CLYBL: variants seen among roughly 807,000 people sequenced by gnomAD.
CLYBL encodes citramalyl-CoA lyase.
CLYBL carries 31 observed loss-of-function variants against 38.9 expected under a neutral mutation model. The ratio of observed to expected loss-of-function variants is 0.80; its 90% CI spans 0.60 to 1.08. CLYBL has a LOEUF of 1.08. Among genes scored for constraint, CLYBL ranks in the 50% least tolerant of loss-of-function variants. The probability of loss-of-function intolerance (pLI) is 0.00; values close to 1 mark genes in which losing one functional copy is unlikely to be tolerated. For synonymous variants in CLYBL, 171 were observed against 158.6 expected (o/e 1.08, Z -0.59); for missense variants, 434 against 411.6 (o/e 1.05, Z -0.47).
intron 2 of CLYBL, among the ~76,000 whole-genome samples, chr13:99,844,736 C>T (rs944405403): frequency 6.6e-6 from 1 of 152,168 alleles, no homozygotes; most frequent in African/African-American, 2.4e-5. Context: ...ACAGGCTGTT[C>T]TCATCTCGGG....
chr13:99,771,570 T>A (rs2049396399), intron 1 of CLYBL, among the ~76,000 whole-genome samples: 1 of 152,226 alleles, frequency 6.6e-6, no homozygotes, highest in African/African-American at 2.4e-5. Context: ...GGAGCTGATT[T>A]CATCTTCCTT....
downstream of CLYBL, among the ~76,000 whole-genome samples, chr13:99,900,146 C>G (rs934248283): frequency 9.9e-5 from 15 of 152,030 alleles, no homozygotes; most frequent in African/African-American, 3.6e-4. Flanking sequence ...AGGCTGGACT[C>G]GAGCTCCTAA....
At chr13:99,664,374 G>C (rs531788196) in intron 1 of CLYBL, among the ~76,000 whole-genome samples, 13 of 152,328 alleles carry the variant, frequency 8.5e-5, no homozygotes, top group African/African-American at 1.4e-4. Flanking sequence ...TTTCAAGCCA[G>C]TTGCAAAATG....
At chr13:99,667,689 A>T (rs1046853291) in intron 1 of CLYBL, among the ~76,000 whole-genome samples, 7 of 152,170 alleles carry the variant, frequency 4.6e-5, no homozygotes, top group Admixed American at 6.5e-5. Context: ...ATATTATCTA[A>T]AAAACAAATC....
chr13:99,802,852 A>G (rs1040673210), intron 2 of CLYBL, among the ~76,000 whole-genome samples: 6 of 152,200 alleles, frequency 3.9e-5, no homozygotes, highest in Admixed American at 3.3e-4. Flanking sequence ...TACATGTGCT[A>G]TATGTACTTT....
chr13:99,789,623 T>C (rs184994498), intron 2 of CLYBL, among the ~76,000 whole-genome samples: 1 of 152,332 alleles, frequency 6.6e-6, no homozygotes, highest in East Asian at 1.9e-4. Flanking sequence ...TCCAACTATG[T>C]GGTCAATTTT....
chr13:99,865,295 G>A lies in CLYBL; in HGVS notation c.634+384G>A, dbSNP rs967603776. The A allele has an allele frequency of 7.9e-6, 2 of 252,412 alleles. No individual in the cohort carries two copies. The highest frequency in any genetic ancestry group is 2.3e-5 in the African/African-American group (1 of 44,370). 15.6% of individuals were successfully genotyped at this position (252,412 alleles called of 1,614,324 possible). A position where few individuals can be genotyped will look rare whatever the true frequency, so the allele number is the denominator to read the frequency against. ...TCTGTGGGCTGTCTAGATTTCTAAC[G>A]CAAATTTAAGGCAATTTCACATTTG... On this transcript the variant is annotated intron_variant, in intron 5 of 8. Coordinates refer to ENST00000339105, the MANE Select transcript of CLYBL (RefSeq NM_206808.5). The surrounding 1 kb of genome is among the most constrained non-coding windows in gnomAD (Gnocchi z 4.7).
intron 2 of CLYBL, among the ~76,000 whole-genome samples, chr13:99,822,946 G>A (rs2050614931): frequency 6.6e-6 from 1 of 152,152 alleles, no homozygotes; most frequent in Non-Finnish European, 1.5e-5. Context: ...TTCTATGTAA[G>A]ATGAGGATTG....
chr13:99,819,502 A>G (rs2050543945), intron 2 of CLYBL, among the ~76,000 whole-genome samples: 1 of 134,682 alleles, frequency 7.4e-6, no homozygotes, highest in South Asian at 2.5e-4. Context: ...GACAGAACCA[A>G]TAGGATATAT....
At chr13:99,661,476 A>G (rs752552631) in intron 1 of CLYBL, among the ~76,000 whole-genome samples, 1 of 152,038 alleles carries the variant, frequency 6.6e-6, no homozygotes, top group African/African-American at 2.4e-5. Flanking sequence ...CGAGTTATTC[A>G]CTCTAAATGT....
chr13:99,637,973 T>TTTTTTTC (rs1341425477), intron 1 of CLYBL, among the ~76,000 whole-genome samples: 5 of 146,018 alleles, frequency 3.4e-5, no homozygotes, highest in African/African-American at 5.1e-5. Flanking sequence ...TTTTTTTTTT[T>TTTTTTTC]TTTTTTTTGA....
chr13:99,835,391 A>G (rs557125343), intron 2 of CLYBL, among the ~76,000 whole-genome samples: 2 of 152,336 alleles, frequency 1.3e-5, no homozygotes, highest in Admixed American at 6.5e-5. Flanking sequence ...CCTCATCTGC[A>G]TGGCTGATGC....
At chr13:99,694,564 G>A (rs80101787) in intron 1 of CLYBL, among the ~76,000 whole-genome samples, 5,152 of 152,142 alleles carry the variant, frequency 0.034, 133 homozygotes, top group Non-Finnish European at 0.049. Flanking sequence ...TCTCCATTCC[G>A]GCTCACACAT....
chr13:99,813,487 A>G (rs960809878), intron 2 of CLYBL, among the ~76,000 whole-genome samples: 1 of 152,174 alleles, frequency 6.6e-6, no homozygotes, highest in Non-Finnish European at 1.5e-5. Flanking sequence ...TGCAATCTTC[A>G]GTGTTCATGG....
Position 99,849,093 on chromosome 13 carries a change from C to T in CLYBL, c.250-9768C>T, listed in dbSNP as rs1001179487. On this transcript the variant is annotated intron_variant, in intron 2 of 8. Coordinates refer to ENST00000339105, the MANE Select transcript of CLYBL (RefSeq NM_206808.5). The surrounding 1 kb of genome is among the most constrained non-coding windows in gnomAD (Gnocchi z 4.9). ...GGTGGAGGCTGCAGTGAGCCGAGATCGTGCCATTACACTCCAGCCTAAGAG... is the reference window on the plus strand; with the variant it reads ...GGTGGAGGCTGCAGTGAGCCGAGATTGTGCCATTACACTCCAGCCTAAGAG... Among the ~76,000 whole-genome samples, 2 of 151,168 alleles carry T rather than the reference C, an allele frequency of 1.3e-5. No individual in the cohort carries two copies. Among genetic ancestry groups the T allele is most frequent in the Non-Finnish European group, 2.9e-5 (2 of 67,944 alleles).
At chr13:99,825,798 T>C (rs932486223) in intron 2 of CLYBL, among the ~76,000 whole-genome samples, 3 of 152,192 alleles carry the variant, frequency 2.0e-5, no homozygotes, top group Non-Finnish European at 2.9e-5. Flanking sequence ...CTGGCCGTGA[T>C]TGTAGTAAGT....
At chr13:99,671,770 A>G (rs1178485257) in intron 1 of CLYBL, among the ~76,000 whole-genome samples, 4 of 128,806 alleles carry the variant, frequency 3.1e-5, no homozygotes, top group Non-Finnish European at 6.5e-5. Flanking sequence ...ACACAGCAAG[A>G]CTCTTTCTCA....
At chr13:99,736,522 T>C (rs1284644187) in intron 1 of CLYBL, among the ~76,000 whole-genome samples, 1 of 152,042 alleles carries the variant, frequency 6.6e-6, no homozygotes, top group Non-Finnish European at 1.5e-5. Flanking sequence ...AGCTAATATT[T>C]ATGCCTGGGA....
chr13:99,710,238 C>T (rs890276828), intron 1 of CLYBL, among the ~76,000 whole-genome samples: 2 of 152,058 alleles, frequency 1.3e-5, no homozygotes, highest in Admixed American at 6.6e-5. Flanking sequence ...TAAATGGTGA[C>T]TTGTGTTTTT....
Sources: gnomAD v4.1 joint callset for allele counts (sites outside exome capture counted in the v4.1 genomes callset) on GRCh38, gnomAD v4.1.1 for gene constraint, Gnocchi (gnomAD v3.1) non-coding constraint, MANE v1.5 for transcripts, NCBI Gene and HGNC (gene_info 2026-07-23, HGNC 2026-07-21) for gene names.